Variants in ADGRA3 observed in about 807,000 individuals in gnomAD.
ADGRA3 encodes the protein adhesion G protein-coupled receptor A3, also known as G-protein coupled receptor 125.
A neutral mutation model predicts 119.8 loss-of-function variants in ADGRA3; 56 were observed. The observed-to-expected ratio is 0.47, with a 90% confidence interval of 0.38 to 0.58. The LOEUF (loss-of-function observed/expected upper bound fraction) is 0.58, where lower values mean the gene tolerates loss of function less well. ADGRA3 is among the 20% of genes least tolerant of loss of function. ADGRA3 has a pLI of 0.00. For synonymous variants in ADGRA3, 607 were observed against 623.8 expected (o/e 0.97, Z 0.40); for missense variants, 1,516 against 1,649.0 (o/e 0.92, Z 1.40).
intron 1 of ADGRA3, 70 bp downstream of exon 1, chr4:22,515,458 C>G: frequency 1.3e-6 from 2 of 1,554,088 alleles, no homozygotes; most frequent in East Asian, 2.5e-5. Flanking sequence ...CTGGACCCTG[C>G]TCCAAAGTTG....
chr4:22,389,895 A>T (rs1213881908), intron 17 of ADGRA3, among the ~76,000 whole-genome samples: 2 of 152,148 alleles, frequency 1.3e-5, no homozygotes, highest in Non-Finnish European at 2.9e-5. Flanking sequence ...GGTAAGTCAG[A>T]ATCTTAATTT....
At chr4:22,392,883 C>A in intron 16 of ADGRA3, 193 bp from the exon 17 acceptor site, 1 of 527,496 alleles carries the variant, frequency 1.9e-6, no homozygotes, top group South Asian at 2.9e-5. Flanking sequence ...TCCTCAAATA[C>A]ACAAACCAAC....
At chr4:22,433,674 C>T (rs1016583418) in intron 10 of ADGRA3, among the ~76,000 whole-genome samples, 6 of 152,116 alleles carry the variant, frequency 3.9e-5, no homozygotes, top group South Asian at 4.1e-4. Context: ...TCTTCGATGG[C>T]GAATGTTCTT....
At chr4:22,403,798 C>T (rs911186251) in intron 14 of ADGRA3, among the ~76,000 whole-genome samples, 3 of 152,060 alleles carry the variant, frequency 2.0e-5, no homozygotes, top group Admixed American at 6.6e-5. Flanking sequence ...ACTTATAGAA[C>T]ATTAGACATT....
intron 1 of ADGRA3, among the ~76,000 whole-genome samples, chr4:22,495,599 T>A (rs1718789100): frequency 6.6e-6 from 1 of 151,978 alleles, no homozygotes; most frequent in Non-Finnish European, 1.5e-5. Context: ...CAGGAGTAAA[T>A]TTCTTTTATA....
intron 3 of ADGRA3, among the ~76,000 whole-genome samples, chr4:22,458,400 C>A (rs1158051519): frequency 1.3e-5 from 2 of 152,216 alleles, no homozygotes; most frequent in African/African-American, 4.8e-5. Context: ...GTCCTAACAA[C>A]TTCCAAGACT....
intron 8 of ADGRA3, among the ~76,000 whole-genome samples, chr4:22,437,212 T>C (rs183398407): frequency 3.0e-3 from 453 of 152,342 alleles, no homozygotes; most frequent in Non-Finnish European, 4.9e-3. Context: ...TATAGATCAA[T>C]ACCTAATCTA....
chr4:22,446,527 T>A (rs986831693), intron 5 of ADGRA3, among the ~76,000 whole-genome samples: 1 of 152,008 alleles, frequency 6.6e-6, no homozygotes, highest in African/African-American at 2.4e-5. Context: ...GAGTATGGAG[T>A]GTGAGCCAAA....
At chr4:22,433,464 A>C (rs1477094188) in intron 10 of ADGRA3, among the ~76,000 whole-genome samples, 1 of 152,178 alleles carries the variant, frequency 6.6e-6, no homozygotes, top group African/African-American at 2.4e-5. Context: ...CATTTGAAAA[A>C]TGAAGAATAA....
At chr4:22,496,561 G>T (rs61793401) in intron 1 of ADGRA3, among the ~76,000 whole-genome samples, 12,556 of 152,152 alleles carry the variant, frequency 0.083, 666 homozygotes, top group Middle Eastern at 0.12. Flanking sequence ...CCTGGGAACC[G>T]CTATTAGAAT....
At chr4:22,449,675 G>A (rs572604217) in intron 4 of ADGRA3, among the ~76,000 whole-genome samples, 25 of 152,064 alleles carry the variant, frequency 1.6e-4, no homozygotes, top group Admixed American at 2.0e-4. Flanking sequence ...GTGAAACCCC[G>A]TCTCTACTAA....
At chr4:22,418,534 GGGAGA>G (rs1715519984) in intron 12 of ADGRA3, among the ~76,000 whole-genome samples, 1 of 152,152 alleles carries the variant, frequency 6.6e-6, no homozygotes, top group African/African-American at 2.4e-5. Flanking sequence ...CCAGGTAGTA[GGGAGA>G]GGAACCAAGG....
At chr4:22,454,485 T>A (rs958379186) in intron 4 of ADGRA3, among the ~76,000 whole-genome samples, 3 of 152,190 alleles carry the variant, frequency 2.0e-5, no homozygotes, top group Admixed American at 2.0e-4. Flanking sequence ...TGGCTTCTTT[T>A]CCTTTCTCAC....
chr4:22,434,161 A>G (rs557107298), intron 10 of ADGRA3, among the ~76,000 whole-genome samples: 38 of 145,218 alleles, frequency 2.6e-4, no homozygotes, highest in Non-Finnish European at 4.2e-4. Context: ...TTAGATACAT[A>G]AATATGTAAT....
rs1560290672 is a variant in ADGRA3 at position 22,388,246 on chromosome 4, A to T, written c.3425T>A (p.Leu1142Gln). ...ATCATTGTCCATTGAATGTTCTGTC[A>T]GACTATTATCAAGCTGAGGGGTGGA... The part of the protein sequence containing the change: ...LNSTPQLDNS[L>Q]TEHSMDNDIK... The change falls in exon 19 of 19, where the codon CTG (leucine) becomes CAG (glutamine). Residue 1142 changes from leucine (L) to glutamine (Q), a missense_variant. Physicochemically the swap from Leu to Gln is moderately radical, Grantham distance 113. Transcript: ENST00000334304. 6.2e-7 allele frequency: 1 copy of T among 1,614,028 alleles called. No homozygotes were observed. Among genetic ancestry groups the T allele is most frequent in the East Asian group, 2.2e-5 (1 of 44,860 alleles).
chr4:22,429,004 A>G (rs1716052469), intron 10 of ADGRA3, among the ~76,000 whole-genome samples: 1 of 152,158 alleles, frequency 6.6e-6, no homozygotes, highest in Non-Finnish European at 1.5e-5. Flanking sequence ...TATTGCACAT[A>G]AGGCATGGCA....
intron 1 of ADGRA3, among the ~76,000 whole-genome samples, chr4:22,494,583 T>C (rs1002882963): frequency 6.6e-6 from 1 of 151,952 alleles, no homozygotes; most frequent in Non-Finnish European, 1.5e-5. Flanking sequence ...CTGAGTAACA[T>C]ATGCTATATC....
chr4:22,430,989 G>C (rs1716143286), intron 10 of ADGRA3, among the ~76,000 whole-genome samples: 3 of 152,216 alleles, frequency 2.0e-5, no homozygotes, highest in Admixed American at 1.3e-4. Context: ...GTGGTGTTGA[G>C]ATTGTGGGTG....
chr4:22,505,705 G>A (rs1476650512), intron 1 of ADGRA3, among the ~76,000 whole-genome samples: 1 of 151,464 alleles, frequency 6.6e-6, no homozygotes, highest in Non-Finnish European at 1.5e-5. Flanking sequence ...TGTTTTAGCA[G>A]AGTATAACAA....
Sources: gnomAD v4.1 joint callset for allele counts (sites outside exome capture counted in the v4.1 genomes callset) on GRCh38, gnomAD v4.1.1 for gene constraint, MANE v1.5 for transcripts, NCBI Gene and HGNC (gene_info 2026-07-23, HGNC 2026-07-21) for gene names.